Variants in SCN11A observed in about 807,000 individuals in gnomAD.
SCN11A encodes the protein sodium channel protein type 11 subunit alpha.
SCN11A carries 122 observed loss-of-function variants against 162.2 expected under a neutral mutation model. That is an observed-to-expected ratio of 0.75 (90% confidence interval 0.65 to 0.87). SCN11A has a LOEUF of 0.87. Ranked by LOEUF, SCN11A falls within the 40% of genes least tolerant of loss-of-function variation. The pLI, the probability that SCN11A is intolerant of heterozygous loss-of-function variation, is 0.00. For missense variants in SCN11A, 2,015 were observed against 2,181.6 expected (o/e 0.92, Z 1.52); for synonymous variants, 758 against 751.5 (o/e 1.01, Z -0.14).
At position 38,927,222 on chromosome 3, in the gene SCN11A, G is replaced by A. The variant is rs568516409; in HGVS notation, c.489-291C>T. Among the ~76,000 whole-genome samples the A allele has an allele frequency of 2.9e-3, 438 of 152,290 alleles. 1 individual carries two copies. Among genetic ancestry groups the A allele is most frequent in the African/African-American group, 0.01 (421 of 41,552 alleles). ...GTAACATGAGACCCAAGCACTGGAG[G>A]TTGTACTTTGTCACCACCATTCTAG... On this transcript the variant is annotated intron_variant, in intron 7 of 29. Transcript: ENST00000302328.
chr3:39,040,175 C>T (rs543912418), intron 1 of SCN11A, among the ~76,000 whole-genome samples: 1 of 152,362 alleles, frequency 6.6e-6, no homozygotes, highest in East Asian at 1.9e-4. Context: ...ACACTATAGC[C>T]TCCATAAATG....
chr3:38,913,915 T>G (rs1384755475), intron 11 of SCN11A, among the ~76,000 whole-genome samples: 1 of 152,208 alleles, frequency 6.6e-6, no homozygotes, highest in Non-Finnish European at 1.5e-5. Context: ...TATTTTGAAG[T>G]TGGGAAACGT....
At chr3:38,998,372 T>A (rs1001988155) in intron 2 of SCN11A, among the ~76,000 whole-genome samples, 20 of 152,282 alleles carry the variant, frequency 1.3e-4, no homozygotes, top group Admixed American at 1.1e-3. Flanking sequence ...TGGAATCGGG[T>A]TTGCAATCTC....
chr3:38,924,082 G>A (rs1025694606), intron 9 of SCN11A, among the ~76,000 whole-genome samples: 1 of 152,114 alleles, frequency 6.6e-6, no homozygotes, highest in Admixed American at 6.5e-5. Context: ...GGTGGAAGCC[G>A]GGATCTTTAG....
rs1474652059 is a variant in SCN11A at position 38,936,476 on chromosome 3, G to A, written c.488+8935C>T. 4.6e-5 allele frequency among the ~76,000 whole-genome samples: 7 copies of A among 151,378 alleles called. No individual in the cohort carries two copies. In the East Asian group the frequency reaches 1.4e-3, roughly 29 times the overall value. On this transcript the variant is annotated intron_variant, in intron 7 of 29. Transcript: ENST00000302328. ...GATTGTATATCTAGAAAACCCCATT[G>A]TCTCAGCCCAAAATCTCCTTAAGCT...
At chr3:39,047,025 AC>A (rs1251740668) in intron 1 of SCN11A, among the ~76,000 whole-genome samples, 117 of 47,704 alleles carry the variant, frequency 2.5e-3, no homozygotes, top group African/African-American at 9.7e-3. Flanking sequence ...ACAGCCCCCC[AC>A]CCCCCACCCC....
Position 38,998,211 on chromosome 3 carries a change from G to A in SCN11A, c.-280+34169C>T, listed in dbSNP as rs368568618. Among the ~76,000 whole-genome samples, 4 of 152,324 alleles carry A rather than the reference G, an allele frequency of 2.6e-5. No homozygotes were observed. In the East Asian group the frequency reaches 7.7e-4, roughly 29 times the overall value. ...ACGTTAAGGGAAGGAAGAACAAACA[G>A]TTATCTCTGCAGCTGAATTTCTCAC... On this transcript the variant is annotated intron_variant, in intron 2 of 29. Transcript: ENST00000302328.
Position 38,894,573 on chromosome 3 carries a change from T to G in SCN11A, c.2795A>C (p.Asp932Ala). 6.2e-7 allele frequency: 1 copy of G among 1,613,676 alleles called. No individual in the cohort carries two copies. The highest frequency in any genetic ancestry group is 1.1e-5 in the South Asian group (1 of 90,956). Residue 932 changes from aspartate (D) to alanine (A), a missense_variant, in exon 19 of 30, where the codon GAT (aspartate) becomes GCT (alanine). Transcript: ENST00000302328. ...EEDDVEFSGE[D>A]NAQRITQPEP... The stretch of plus-strand genomic sequence containing the variant: ...AGGTTGTGTGATGCGCTGTGCATTA[T>G]CTTCACCAGAAAATTCAACGTCATC...
In SCN11A at chr3:38,897,230, A is replaced by G; in HGVS notation, c.2023-5T>C. 6.3e-7 allele frequency: 1 copy of G among 1,574,842 alleles called. No individual in the cohort carries two copies. The highest frequency in any genetic ancestry group is 2.2e-5 in the East Asian group (1 of 44,496). On this transcript the variant is annotated splice_region_variant and splice_polypyrimidine_tract_variant and intron_variant, in intron 17 of 29. Coordinates refer to ENST00000302328, the MANE Select transcript of SCN11A (RefSeq NM_001349253.2). Reference sequence around the variant, plus strand: ...GGCTAACTTGAAGACCCTGAGCTGTAGAAAAAGACAACAAACAAAAATGGA... The same window carrying G: ...GGCTAACTTGAAGACCCTGAGCTGTGGAAAAAGACAACAAACAAAAATGGA...
intron 5 of SCN11A, 111 bp downstream of exon 5, chr3:38,949,985 C>A (rs1404836009): frequency 4.3e-6 from 3 of 703,048 alleles, no homozygotes; most frequent in Admixed American, 5.6e-5. Context: ...AGAGGCACAG[C>A]CTGCCTGCTA....
At chr3:38,932,832 A>T (rs2066265201) in intron 7 of SCN11A, among the ~76,000 whole-genome samples, 3 of 152,212 alleles carry the variant, frequency 2.0e-5, no homozygotes, top group African/African-American at 7.2e-5. Context: ...ACCTCTGCAG[A>T]CTTAGATGTC....
chr3:39,033,153 GAA>G (rs34925838), intron 1 of SCN11A, among the ~76,000 whole-genome samples: 4 of 133,842 alleles, frequency 3.0e-5, no homozygotes, highest in Admixed American at 7.5e-5. Context: ...GTTGCATCTT[GAA>G]AAAAAAAAAA....
chr3:39,002,047 C>CA (rs1300789455), intron 2 of SCN11A, among the ~76,000 whole-genome samples: 10 of 149,204 alleles, frequency 6.7e-5, no homozygotes, highest in African/African-American at 9.9e-5. Flanking sequence ...AAAAAAAAAA[C>CA]AAAAAAAAAC....
Position 38,846,748 on chromosome 3 carries a change from G to A in SCN11A, c.5322C>T (p.Cys1774=), listed in dbSNP as rs2064670758. Reference sequence around the variant, plus strand: ...CCCCAAAGCTAGACAAGTCTCCATTGCAAAGAGTCTGGAGTGGTGAATGAG... The same window carrying A: ...CCCCAAAGCTAGACAAGTCTCCATTACAAAGAGTCTGGAGTGGTGAATGAG... ...NGPHSPLQTL[C]NGDLSSFGVA... The change falls in exon 30 of 30, where the codon TGC becomes TGT. Residue 1774 remains cysteine (C), a synonymous_variant. Coordinates refer to ENST00000302328, the MANE Select transcript of SCN11A (RefSeq NM_001349253.2). 6.2e-7 allele frequency: 1 copy of A among 1,614,156 alleles called. No homozygotes were observed. Among genetic ancestry groups the A allele is most frequent in the Non-Finnish European group, 8.5e-7 (1 of 1,180,006 alleles).
At chr3:38,978,457 C>A (rs2066862219) in intron 2 of SCN11A, among the ~76,000 whole-genome samples, 1 of 152,026 alleles carries the variant, frequency 6.6e-6, no homozygotes. Flanking sequence ...ACCAGTCTGG[C>A]CAACATGGTG....
chr3:38,953,373 A>G (rs2066644341), intron 4 of SCN11A, among the ~76,000 whole-genome samples: 1 of 152,120 alleles, frequency 6.6e-6, no homozygotes, highest in Non-Finnish European at 1.5e-5. Flanking sequence ...AAGTTTACCT[A>G]TGTAACAAAC....
rs2065775201 is a variant in SCN11A, at chr3:38,905,280, T to C, written c.1515A>G (p.Leu505=). 6.2e-7 allele frequency: 1 copy of C among 1,614,094 alleles called. No individual in the cohort carries two copies. Among genetic ancestry groups the C allele is most frequent in the South Asian group, 1.1e-5 (1 of 91,072 alleles). Residue 505 remains leucine (L), a synonymous_variant, in exon 15 of 30, where the codon CTA becomes CTG. Transcript: ENST00000302328. ...CATGCTCATCAAAGTGGTCCAGTGA[T>C]AGATTCTGGGACAGTCGTTTGGTTT... ...LEQTKRLSQN[L]SLDHFDEHGD...
At chr3:38,933,045 A>G (rs2066270523) in intron 7 of SCN11A, among the ~76,000 whole-genome samples, 2 of 152,210 alleles carry the variant, frequency 1.3e-5, no homozygotes, top group African/African-American at 4.8e-5. Context: ...AAATGATCAG[A>G]CAGCAGCATT....
chr3:38,909,176 G>A lies in SCN11A; in HGVS notation c.1120C>T (p.Leu374Phe), dbSNP rs1434945788. The A allele has an allele frequency of 2.5e-6, 4 of 1,613,898 alleles. No individual in the cohort carries two copies. The highest frequency in any genetic ancestry group is 3.4e-6 in the Non-Finnish European group (4 of 1,179,922). ...ACAATGAAGAAGAAGACTGAGTAGA[G>A]CCCAGTAGTACGCAGGGTCTGCAAA... is the stretch of plus-strand genomic sequence containing the variant. The part of the protein sequence containing the change: ...LYQQTLRTTG[L>F]YSVFFFIVVI... Residue 374 changes from leucine (L) to phenylalanine (F), a missense_variant, in exon 13 of 30, where the codon CTC becomes TTC. Physicochemically the swap from Leu to Phe is conservative, Grantham distance 22 (BLOSUM62 0). Transcript: ENST00000302328.
Sources: gnomAD v4.1 joint callset for allele counts (sites outside exome capture counted in the v4.1 genomes callset) on GRCh38, gnomAD v4.1.1 for gene constraint, MANE v1.5 for transcripts, NCBI Gene and HGNC (gene_info 2026-07-23, HGNC 2026-07-21) for gene names.